DGKG: variants seen among roughly 807,000 people sequenced by gnomAD.
DGKG encodes the protein DAG kinase gamma.
A neutral mutation model predicts 105.3 loss-of-function variants in DGKG; 78 were observed. The observed-to-expected ratio is 0.74, with a 90% CI of 0.62 to 0.89. The LOEUF is 0.89. Among genes scored for constraint, DGKG ranks in the 40% least tolerant of loss-of-function variants. DGKG has a pLI of 0.00. For missense variants in DGKG, 958 were observed against 1,020.1 expected (o/e 0.94, Z 0.83); for synonymous variants, 346 against 367.1 (o/e 0.94, Z 0.66).
chr3:186,194,349 G>C (rs1718067081), intron 21 of DGKG, among the ~76,000 whole-genome samples: 1 of 152,232 alleles, frequency 6.6e-6, no homozygotes, highest in South Asian at 2.1e-4. Flanking sequence ...CTCGCCAAGA[G>C]GGACCCGGAG....
Position 186,297,400 on chromosome 3 carries a change from T to C in DGKG, c.373+21A>G, listed in dbSNP as rs755418208. ...AGGTATTCCCTACTTTTCCCACAAG[T>C]CTTATATTCCAAAGACTTACCAGTA... On this transcript the variant is annotated intron_variant, in intron 5 of 24. Coordinates refer to ENST00000265022, the MANE Select transcript of DGKG (RefSeq NM_001346.3). 2.5e-6 allele frequency: 4 copies of C among 1,595,208 alleles called. No individual in the cohort carries two copies. The South Asian group carries it at 4.4e-5, about 18-fold the overall frequency.
At chr3:186,354,448 C>T (rs6797726) in intron 1 of DGKG, among the ~76,000 whole-genome samples, 7,921 of 152,186 alleles carry the variant, frequency 0.052, 668 homozygotes, top group African/African-American at 0.18. Context: ...ATTCCCAAGG[C>T]GAGAAGAAAA....
At position 186,320,648 on chromosome 3, in the gene DGKG, A is replaced by G; in HGVS notation, c.-189T>C. 1.2e-6 allele frequency: 1 copy of G among 861,302 alleles called. No individual in the cohort carries two copies. The highest frequency in any genetic ancestry group is 1.7e-6 in the Non-Finnish European group (1 of 596,888). 53.4% of individuals were successfully genotyped at this position (861,302 alleles called of 1,614,324 possible). ...CAGAAGATGAGACAAGATCTCTGCT[A>G]TTCCTTAGGCAACATCCTCCTGTCT... On this transcript the variant is annotated 5_prime_UTR_variant, in exon 2 of 25. It removes the in-frame stop codon of an upstream open reading frame in the 5' UTR. Coordinates refer to ENST00000265022, the MANE Select transcript of DGKG (RefSeq NM_001346.3).
rs761056028 is a variant in DGKG, at chr3:186,242,537, A to G, written c.1793T>C (p.Met598Thr). ...DASIAHRFHV[M>T]REKHPEKFNS... is the part of the protein sequence containing the mutation. ...GAATTTTTCAGGATGTTTCTCTCTC[A>G]TCACATGGAATCTGTGTGCAATGGA... Residue 598 changes from methionine to threonine, a missense_variant, in exon 20 of 25, where the codon ATG becomes ACG. By Grantham distance (81) the Met-to-Thr change is moderately conservative (BLOSUM62 -1). Around this residue, in one of 2 missense-constraint regions of DGKG, gnomAD observed 315 missense variants for 400.6 expected, o/e 0.79. Coordinates refer to ENST00000265022, the MANE Select transcript of DGKG (RefSeq NM_001346.3). 3.1e-6 allele frequency: 5 copies of G among 1,613,772 alleles called. No individual in the cohort carries two copies. The highest frequency in any genetic ancestry group is 4.2e-6 in the Non-Finnish European group (5 of 1,179,798).
chr3:186,291,720 G>A (rs1049034964), intron 5 of DGKG, among the ~76,000 whole-genome samples: 1 of 143,784 alleles, frequency 7.0e-6, no homozygotes, highest in African/African-American at 2.5e-5. Flanking sequence ...CAGATCAGTA[G>A]TTGTATGGGG....
intron 9 of DGKG, chr3:186,279,318 T>C (rs1722725357): frequency 1.3e-5 from 2 of 152,378 alleles, no homozygotes; most frequent in Non-Finnish European, 2.9e-5. Flanking sequence ...CACTCCTCCT[T>C]TTGCTCCTTA....
Position 186,267,671 on chromosome 3 carries a change from G to A in DGKG, c.1209+14C>T. ...CGGAGAAGCTACAGCCCTCGCCGGG[G>A]CAGGAGCACTTACCCGGGTGATGGG... On this transcript the variant is annotated intron_variant, in intron 13 of 24. Coordinates refer to ENST00000265022, the MANE Select transcript of DGKG (RefSeq NM_001346.3). The A allele has an allele frequency of 6.2e-7, 1 of 1,609,844 alleles. No homozygotes were observed. Among genetic ancestry groups the A allele is most frequent in the South Asian group, 1.1e-5 (1 of 90,994 alleles).
chr3:186,171,922 C>T (rs1250046147), intron 22 of DGKG, among the ~76,000 whole-genome samples: 1 of 151,286 alleles, frequency 6.6e-6, no homozygotes, highest in Non-Finnish European at 1.5e-5. Flanking sequence ...ATCGCATGAT[C>T]TTGGCTCACT....
At chr3:186,265,199 C>G in intron 14 of DGKG, 48 bp downstream of exon 14, 1 of 1,595,888 alleles carries the variant, frequency 6.3e-7, no homozygotes, top group African/African-American at 1.3e-5. Context: ...CCGCCACAGC[C>G]CTGGAACAAC....
intron 6 of DGKG, among the ~76,000 whole-genome samples, chr3:186,286,758 G>T (rs1234392505): frequency 6.6e-6 from 1 of 152,168 alleles, no homozygotes. Flanking sequence ...TGCAGGCCGG[G>T]TGCCATGGCT....
At chr3:186,227,269 T>C (rs976607947) in intron 20 of DGKG, among the ~76,000 whole-genome samples, 12 of 152,372 alleles carry the variant, frequency 7.9e-5, no homozygotes, top group African/African-American at 2.9e-4. Flanking sequence ...TACAGCATCA[T>C]ACCAATACCT....
chr3:186,252,260 T>C (rs1010833926), intron 18 of DGKG, among the ~76,000 whole-genome samples: 3 of 152,230 alleles, frequency 2.0e-5, no homozygotes, highest in Non-Finnish European at 2.9e-5. Context: ...ATGTGGGAGA[T>C]GGACAGTGTG....
chr3:186,262,819 T>C (rs1246273589), intron 14 of DGKG, among the ~76,000 whole-genome samples: 2 of 152,146 alleles, frequency 1.3e-5, no homozygotes, highest in Non-Finnish European at 2.9e-5. Flanking sequence ...GCCCACTTCC[T>C]TCTTTGCAGA....
Position 186,251,751 on chromosome 3 carries a change from C to T in DGKG, c.1761+8G>A. The stretch of plus-strand genomic sequence containing the variant: ...TCCATACAGAAAGGTGATCTTTGAC[C>T]AACTCACCACACCAATGGAGAAATA... On this transcript the variant is annotated splice_region_variant and intron_variant, in intron 19 of 24. Coordinates refer to ENST00000265022, the MANE Select transcript of DGKG (RefSeq NM_001346.3). 6.2e-7 allele frequency: 1 copy of T among 1,614,024 alleles called. No homozygotes were observed. The highest frequency in any genetic ancestry group is 8.5e-7 in the Non-Finnish European group (1 of 1,179,916).
At chr3:186,251,944 C>T (rs1721248010) in intron 18 of DGKG, 25 bp from the exon 19 acceptor site, 5 of 1,524,596 alleles carry the variant, frequency 3.3e-6, no homozygotes, top group Non-Finnish European at 4.4e-6. Context: ...ACTGCATTTG[C>T]CACCACAGCA....
chr3:186,305,770 G>A (rs1450313349), intron 3 of DGKG, among the ~76,000 whole-genome samples: 2 of 152,146 alleles, frequency 1.3e-5, no homozygotes, highest in African/African-American at 4.8e-5. Context: ...AACAGAATTT[G>A]CCAATGAATT....
intron 3 of DGKG, among the ~76,000 whole-genome samples, chr3:186,303,153 G>A (rs1724058967): frequency 1.3e-5 from 2 of 152,184 alleles, no homozygotes; most frequent in African/African-American, 4.8e-5. Context: ...GACATGCAAC[G>A]ATGTGCCACA....
chr3:186,154,658 AAAAAAGAAAAG>A (rs1715942850), intron 24 of DGKG, among the ~76,000 whole-genome samples: 1 of 151,514 alleles, frequency 6.6e-6, no homozygotes, highest in Non-Finnish European at 1.5e-5. Flanking sequence ...AAAAAAAAAA[AAAAAAGAAAAG>A]AAAAAGAAAA....
intron 2 of DGKG, among the ~76,000 whole-genome samples, chr3:186,317,055 A>C (rs1397644385): frequency 6.6e-6 from 1 of 152,248 alleles, no homozygotes; most frequent in Non-Finnish European, 1.5e-5. Flanking sequence ...AGAAGGACAA[A>C]GGTAAATGTT....
Sources: gnomAD v4.1 joint callset for allele counts (sites outside exome capture counted in the v4.1 genomes callset) on GRCh38, gnomAD v4.1.1 for gene constraint, gnomAD v4.1.1 regional missense constraint, MANE v1.5 for transcripts, NCBI Gene and HGNC (gene_info 2026-07-23, HGNC 2026-07-21) for gene names.